Variants in ATP2B4 observed in about 807,000 individuals in gnomAD.
ATP2B4 encodes plasma membrane calcium-transporting ATPase 4.
A neutral mutation model predicts 110.3 loss-of-function variants in ATP2B4; 39 were observed. The observed-to-expected ratio is 0.35, with a 90% CI of 0.27 to 0.46. The LOEUF (loss-of-function observed/expected upper bound fraction) is 0.46, where lower values mean the gene tolerates loss of function less well. ATP2B4 is among the 20% of genes least tolerant of loss of function. The pLI is 1.00. For synonymous variants in ATP2B4, 538 were observed against 571.7 expected, an observed-to-expected ratio of 0.94 and a Z score of 0.84; for missense variants, 1,135 against 1,530.9, an observed-to-expected ratio of 0.74 and a Z score of 4.32.
chr1:203,685,462 C>T (rs1054813071), intron 2 of ATP2B4, among the ~76,000 whole-genome samples: 11 of 152,170 alleles, frequency 7.2e-5, no homozygotes, highest in Non-Finnish European at 1.0e-4. Flanking sequence ...GAGGCCACAG[C>T]ATATTTCTCA....
At chr1:203,715,955 T>G (rs1239248455) in intron 15 of ATP2B4, among the ~76,000 whole-genome samples, 1 of 144,534 alleles carries the variant, frequency 6.9e-6, no homozygotes, top group Non-Finnish European at 1.5e-5. Context: ...ACCCCAGATT[T>G]ACTGAATTGG....
chr1:203,654,855 C>G (rs943879622), intron 1 of ATP2B4, among the ~76,000 whole-genome samples: 7 of 149,806 alleles, frequency 4.7e-5, no homozygotes, highest in Non-Finnish European at 7.4e-5. Flanking sequence ...CCACTGCACT[C>G]CAGCCTGGGT....
At chr1:203,634,764 A>G (rs1445021368) in intron 1 of ATP2B4, among the ~76,000 whole-genome samples, 1 of 152,134 alleles carries the variant, frequency 6.6e-6, no homozygotes, top group Non-Finnish European at 1.5e-5. Context: ...CCTGGGCTCA[A>G]GCTATCCTCC....
At chr1:203,690,276 C>A (rs1665326578) in intron 2 of ATP2B4, among the ~76,000 whole-genome samples, 1 of 152,150 alleles carries the variant, frequency 6.6e-6, no homozygotes, top group South Asian at 2.1e-4. Context: ...TTGGGCTCTT[C>A]CTCGGTGTAG....
intron 8 of ATP2B4, 120 bp downstream of exon 8, chr1:203,703,933 T>A: frequency 7.8e-7 from 1 of 1,285,920 alleles, no homozygotes. Context: ...TCAGGGTGGC[T>A]AGTTGGGGCT....
chr1:203,709,243 G>A, intron 10 of ATP2B4, 58 bp from the exon 11 acceptor site: 1 of 1,602,486 alleles, frequency 6.2e-7, no homozygotes, highest in Non-Finnish European at 8.5e-7. Context: ...TTCTCCCTAA[G>A]TTCTCTGCCT....
chr1:203,649,336 G>A (rs1408657201), intron 1 of ATP2B4, among the ~76,000 whole-genome samples: 1 of 152,204 alleles, frequency 6.6e-6, no homozygotes, highest in African/African-American at 2.4e-5. Flanking sequence ...GACCAAGCTA[G>A]TAGGTAACAG....
intron 15 of ATP2B4, among the ~76,000 whole-genome samples, chr1:203,719,934 G>T (rs1269539751): frequency 1.3e-5 from 2 of 151,906 alleles, no homozygotes; most frequent in Non-Finnish European, 2.9e-5. Flanking sequence ...TAACCAAGCA[G>T]GGTGAGCAAA....
chr1:203,728,217 C>G, intron 20 of ATP2B4: 1 of 470,088 alleles, frequency 2.1e-6, no homozygotes, highest in South Asian at 1.6e-5. Flanking sequence ...AAGCCTCTTC[C>G]CTTCTTGCAA....
At position 203,740,018 on chromosome 1, in the gene ATP2B4, C is replaced by A; in HGVS notation, c.*164C>A. The A allele has an allele frequency of 1.3e-6, 1 of 782,370 alleles. No homozygotes were observed. Among genetic ancestry groups the A allele is most frequent in the Non-Finnish European group, 2.0e-6 (1 of 507,344 alleles). The allele number at this position is 782,370 out of a possible 1,614,324, so 48.5% of individuals were successfully genotyped here. A position where few individuals can be genotyped will look rare whatever the true frequency, so the allele number is the denominator to read the frequency against. On this transcript the variant is annotated 3_prime_UTR_variant, in exon 21 of 21. Transcript: ENST00000357681. ...GACCATGAAGAGGCAAGAGCACAGA[C>A]TTACAAGGATTTCAACTTAAGCTTG... is the stretch of plus-strand genomic sequence containing the variant.
intron 1 of ATP2B4, among the ~76,000 whole-genome samples, chr1:203,651,932 AC>A (rs754233246): frequency 6.8e-6 from 1 of 147,610 alleles, no homozygotes; most frequent in Non-Finnish European, 1.5e-5. Flanking sequence ...TGGTGGTGGG[AC>A]GCCTGTAGTC....
chr1:203,655,967 C>T (rs965111087), intron 1 of ATP2B4, among the ~76,000 whole-genome samples: 12 of 151,892 alleles, frequency 7.9e-5, no homozygotes, highest in East Asian at 1.9e-4. Flanking sequence ...TGCAACGGTG[C>T]GATCTCGGCT....
intron 15 of ATP2B4, among the ~76,000 whole-genome samples, chr1:203,716,877 CTTTA>C: frequency 6.9e-6 from 1 of 145,000 alleles, no homozygotes; most frequent in East Asian, 2.1e-4. Flanking sequence ...TATTGTAATT[CTTTA>C]TTTATTAACT....
At chr1:203,683,987 C>A (rs1439342022) in intron 2 of ATP2B4, among the ~76,000 whole-genome samples, 1 of 151,976 alleles carries the variant, frequency 6.6e-6, no homozygotes, top group Non-Finnish European at 1.5e-5. Context: ...CCCCTCTTTT[C>A]TCCTTTTTCT....
intron 3 of ATP2B4, among the ~76,000 whole-genome samples, chr1:203,698,640 A>T (rs1665603816): frequency 6.7e-6 from 1 of 150,016 alleles, no homozygotes; most frequent in Non-Finnish European, 1.5e-5. Flanking sequence ...TTTATTTATT[A>T]ATTATTATTA....
chr1:203,721,162 G>T lies in ATP2B4; in HGVS notation c.2599-35G>T, dbSNP rs201519807. 1.7e-4 allele frequency: 271 copies of T among 1,608,198 alleles called. 1 individual carries two copies. Among genetic ancestry groups the T allele is most frequent in the Non-Finnish European group, 2.8e-5 (33 of 1,175,506 alleles). On this transcript the variant is annotated intron_variant, in intron 16 of 20. Coordinates refer to ENST00000357681, the MANE Select transcript of ATP2B4 (RefSeq NM_001684.5). ...AGGGCAAAGGTGGGCTGGTTTCAGA[G>T]AAAAGCTAAAAGGACTGGTTCTTCT...
At chr1:203,736,358 C>T (rs2102240508) in intron 20 of ATP2B4, among the ~76,000 whole-genome samples, 1 of 152,204 alleles carries the variant, frequency 6.6e-6, no homozygotes, top group South Asian at 2.1e-4. Context: ...ATCCCAGCTA[C>T]TCTAGAGGCT....
intron 19 of ATP2B4, among the ~76,000 whole-genome samples, chr1:203,724,384 G>A (rs1666440063): frequency 6.6e-6 from 1 of 152,042 alleles, no homozygotes; most frequent in East Asian, 1.9e-4. Flanking sequence ...GGGCATGGTG[G>A]CAGGTGCCTG....
rs1265378169 is a variant in ATP2B4, at chr1:203,708,041, C to G, written c.1494C>G (p.Pro498=). 39 of 1,614,056 alleles carry G rather than the reference C, an allele frequency of 2.4e-5. No homozygotes were observed. Among genetic ancestry groups the G allele is most frequent in the Non-Finnish European group, 3.0e-5 (35 of 1,180,038 alleles). Residue 498 remains proline (P), a synonymous_variant, in exon 10 of 21, where the codon CCC becomes CCG. Coordinates refer to ENST00000357681, the MANE Select transcript of ATP2B4 (RefSeq NM_001684.5). ...RQIPSPDVFL[P]KVLDLIVNGI... ...TCCCAAGCCCTGATGTCTTCCTGCC[C>G]AAAGTCCTGGACCTCATTGTCAATG...
Sources: allele counts gnomAD v4.1 joint callset (sites outside exome capture counted in the v4.1 genomes callset), GRCh38; gene constraint gnomAD v4.1.1; transcripts MANE v1.5; gene names NCBI Gene and HGNC (gene_info 2026-07-23, HGNC 2026-07-21).